EXTL3: variants seen among roughly 807,000 people sequenced by gnomAD.
EXTL3 encodes exostosin-like 3.
A neutral mutation model predicts 69.3 loss-of-function variants in EXTL3; 27 were observed. The ratio of observed to expected loss-of-function variants is 0.39; its 90% CI spans 0.29 to 0.54. The LOEUF (loss-of-function observed/expected upper bound fraction) is 0.54. EXTL3 is among the 20% of genes least tolerant of loss of function. EXTL3 has a pLI of 0.69. For synonymous variants in EXTL3, 511 were observed against 499.4 expected (o/e 1.02, Z -0.31); for missense variants, 1,003 against 1,231.8 (o/e 0.81, Z 2.78).
chr8:28,693,352 G>T (rs1800641592), intron 1 of EXTL3, among the ~76,000 whole-genome samples: 1 of 152,078 alleles, frequency 6.6e-6, no homozygotes, highest in Non-Finnish European at 1.5e-5. Flanking sequence ...TTTTTGCCAT[G>T]TTGGCCAGTG....
At chr8:28,729,457 G>A (rs1035683946) in intron 3 of EXTL3, among the ~76,000 whole-genome samples, 3 of 149,050 alleles carry the variant, frequency 2.0e-5, no homozygotes, top group Admixed American at 6.7e-5. Context: ...ATAGCCAGGC[G>A]TGGTGGTAGG....
intron 3 of EXTL3, among the ~76,000 whole-genome samples, chr8:28,720,927 T>C (rs929436738): frequency 2.0e-5 from 3 of 152,156 alleles, no homozygotes; most frequent in Non-Finnish European, 2.9e-5. Context: ...TTTGAAAAAC[T>C]CTCCACTATG....
chr8:28,680,385 C>CAA (rs34805922), intron 1 of EXTL3, among the ~76,000 whole-genome samples: 12 of 110,838 alleles, frequency 1.1e-4, no homozygotes, highest in African/African-American at 2.7e-4. Flanking sequence ...GACTCTGTCT[C>CAA]AAAAAAAAAA....
chr8:28,705,557 T>TAA (rs879318621), intron 1 of EXTL3, among the ~76,000 whole-genome samples: 6 of 136,790 alleles, frequency 4.4e-5, no homozygotes, highest in African/African-American at 1.1e-4. Context: ...CCCTGTCTCT[T>TAA]AAAAAAAAAA....
chr8:28,671,309 G>GTTTTTTTTTTTTTTT (rs749395423), intron 1 of EXTL3, among the ~76,000 whole-genome samples: 8 of 89,600 alleles, frequency 8.9e-5, no homozygotes, highest in African/African-American at 1.7e-4. Flanking sequence ...TTTGTTTTTT[G>GTTTTTTTTTTTTTTT]TTTTTTTTTT....
chr8:28,749,902 C>T (rs919717956), intron 6 of EXTL3, among the ~76,000 whole-genome samples: 1 of 152,172 alleles, frequency 6.6e-6, no homozygotes, highest in Non-Finnish European at 1.5e-5. Flanking sequence ...CTTTGTTGCC[C>T]AGGCTGGTTT....
At position 28,717,768 on chromosome 8, in the gene EXTL3, A is replaced by C. The variant is rs1222105169; in HGVS notation, c.1709A>C (p.Asn570Thr). ...GGAACTGACCCCAACATGGCTGACAACGGGGACCTGGACCTGGGGCCAGTG... is the reference window on the plus strand; with the variant it reads ...GGAACTGACCCCAACATGGCTGACACCGGGGACCTGGACCTGGGGCCAGTG... ...AAGTDPNMAD[N>T]GDLDLGPVET... is the part of the protein sequence containing the mutation. Residue 570 changes from asparagine (N) to threonine (T), a missense_variant, in exon 3 of 7, where the codon AAC becomes ACC. Asn to Thr is a moderately conservative substitution (Grantham distance 65). Coordinates refer to ENST00000220562, the MANE Select transcript of EXTL3 (RefSeq NM_001440.4). The surrounding 1 kb of genome is among the most constrained non-coding windows in gnomAD (Gnocchi z 8.3). 2 of 1,613,972 alleles carry C rather than the reference A, an allele frequency of 1.2e-6. No homozygotes were observed. Among genetic ancestry groups the C allele is most frequent in the South Asian group, 1.1e-5 (1 of 91,078 alleles).
rs1293569544 is a variant in EXTL3 at position 28,736,712 on chromosome 8, GAA to G, written c.2277-804_2277-803del. Among the ~76,000 whole-genome samples the G allele has an allele frequency of 3.3e-5, 5 of 152,194 alleles. No individual in the cohort carries two copies. The East Asian group carries it at 9.6e-4, about 29-fold the overall frequency. ...TTTATTATGTTCCTTCTCTGTAAAAGAAAAGTGTGCAATATATGTAAATTACA... is the reference window on the plus strand; with the variant it reads ...TTTATTATGTTCCTTCTCTGTAAAAGAAGTGTGCAATATATGTAAATTACA... On this transcript the variant is annotated intron_variant, in intron 4 of 6. Transcript: ENST00000220562.
intron 1 of EXTL3, among the ~76,000 whole-genome samples, chr8:28,655,829 G>T (rs1807001218): frequency 1.3e-5 from 2 of 152,136 alleles, no homozygotes; most frequent in South Asian, 4.1e-4. Context: ...TAGCTAACAA[G>T]CCCAGGCATC....
intron 1 of EXTL3, among the ~76,000 whole-genome samples, chr8:28,704,802 C>T (rs931555852): frequency 3.9e-5 from 6 of 152,184 alleles, no homozygotes; most frequent in African/African-American, 1.4e-4. Flanking sequence ...TCCCAAGTAG[C>T]TGGCATTACA....
chr8:28,703,075 T>C (rs1050239027), intron 1 of EXTL3, among the ~76,000 whole-genome samples: 10 of 152,204 alleles, frequency 6.6e-5, no homozygotes, highest in African/African-American at 2.4e-4. Context: ...GTGTTAAAAA[T>C]ACCTTATCCT....
intron 1 of EXTL3, chr8:28,677,972 T>A (rs1807415319): frequency 6.6e-6 from 1 of 152,254 alleles, no homozygotes; most frequent in African/African-American, 2.4e-5. Flanking sequence ...AGACTGGGTT[T>A]AAAATGTCAG....
At chr8:28,642,445 CAA>C (rs34884110) in intron 1 of EXTL3, among the ~76,000 whole-genome samples, 230 of 91,900 alleles carry the variant, frequency 2.5e-3, no homozygotes, top group Middle Eastern at 7.4e-3. Context: ...AACACTGTCT[CAA>C]AAAAAAAAAA....
chr8:28,744,748 G>A lies in EXTL3; in HGVS notation c.2550+1534G>A, dbSNP rs535453832. ...GCGGAGGTTGCAGTAAGCCAAGATC[G>A]CGCCACTGCACTCCAGCCTGGGTGA... On this transcript the variant is annotated intron_variant, in intron 6 of 6. Transcript: ENST00000220562. Among the ~76,000 whole-genome samples, 9 of 151,396 alleles carry A rather than the reference G, an allele frequency of 5.9e-5. No homozygotes were observed. The South Asian group carries it at 1.2e-3, about 21-fold the overall frequency.
rs931971881 is a variant in EXTL3 at position 28,673,620 on chromosome 8, C to T, written c.-52-39837C>T. Among the ~76,000 whole-genome samples the T allele has an allele frequency of 2.0e-4, 31 of 151,570 alleles. 1 individual carries two copies. Among genetic ancestry groups the T allele is most frequent in the East Asian group, 7.7e-4 (4 of 5,192 alleles). On this transcript the variant is annotated intron_variant, in intron 1 of 6. Coordinates refer to the EXTL3 transcript ENST00000523149. ...GGTCATGGGACTTACTATCCATAAT[C>T]GTGTGAGTCAATTCCTTACAATTAA...
chr8:28,627,650 CAA>C, intron 1 of EXTL3, among the ~76,000 whole-genome samples: 1 of 152,290 alleles, frequency 6.6e-6, no homozygotes, highest in Admixed American at 6.5e-5. Flanking sequence ...ATGTACCTAG[CAA>C]AGTTCTTTAC....
Position 28,714,858 on chromosome 8 carries a change from T to C in EXTL3, c.-475-727T>C, listed in dbSNP as rs142270150. ...CGTCTCCGTGCACCTATCTCCATTTTAGAAGATTAGGAAACCAAGGTCTGA... is the reference window on the plus strand; with the variant it reads ...CGTCTCCGTGCACCTATCTCCATTTCAGAAGATTAGGAAACCAAGGTCTGA... On this transcript the variant is annotated intron_variant, in intron 2 of 6. Coordinates refer to ENST00000220562, the MANE Select transcript of EXTL3 (RefSeq NM_001440.4). Among the ~76,000 whole-genome samples, 483 of 152,330 alleles carry C rather than the reference T, an allele frequency of 3.2e-3. 6 individuals carry two copies. Among genetic ancestry groups the C allele is most frequent in the African/African-American group, 0.011 (456 of 41,576 alleles).
At chr8:28,723,833 G>A (rs914231170) in intron 3 of EXTL3, among the ~76,000 whole-genome samples, 1 of 151,912 alleles carries the variant, frequency 6.6e-6, no homozygotes, top group Non-Finnish European at 1.5e-5. Flanking sequence ...GTAGAGTCAG[G>A]ATTTTGCCAT....
chr8:28,672,877 C>T lies in EXTL3; in HGVS notation c.-52-40580C>T, dbSNP rs549679560. Reference sequence around the variant, plus strand: ...ATTCTCACGTGTCATGGGAGGGACCCGGTGGGAGGTAATTGAATCGGGGGG... The same window carrying T: ...ATTCTCACGTGTCATGGGAGGGACCTGGTGGGAGGTAATTGAATCGGGGGG... On this transcript the variant is annotated intron_variant, in intron 1 of 6. Transcript: ENST00000523149. Among the ~76,000 whole-genome samples, 8 of 152,210 alleles carry T rather than the reference C, an allele frequency of 5.3e-5. No individual in the cohort carries two copies. In the South Asian group the frequency reaches 6.2e-4, roughly 12 times the overall value.
Sources: gnomAD v4.1 joint callset for allele counts (sites outside exome capture counted in the v4.1 genomes callset) on GRCh38, gnomAD v4.1.1 for gene constraint, Gnocchi (gnomAD v3.1) non-coding constraint, MANE v1.5 for transcripts, NCBI Gene and HGNC (gene_info 2026-07-23, HGNC 2026-07-21) for gene names.